DCTN1: variants seen among roughly 807,000 people sequenced by gnomAD.
DCTN1 encodes the protein 150 kDa dynein-associated polypeptide.
A neutral mutation model predicts 161.2 loss-of-function variants in DCTN1; 61 were observed. The ratio of observed to expected loss-of-function variants is 0.38; its 90% CI spans 0.31 to 0.47. DCTN1 has a LOEUF of 0.47. Among genes scored for constraint, DCTN1 ranks in the 20% least tolerant of loss-of-function variants. The pLI is 0.99. For missense variants in DCTN1, 1,404 were observed against 1,623.7 expected (o/e 0.86, Z 2.33); for synonymous variants, 653 against 632.4 (o/e 1.03, Z -0.49).
chr2:74,372,525 T>C (rs941422053), intron 7 of DCTN1, among the ~76,000 whole-genome samples: 4 of 152,230 alleles, frequency 2.6e-5, no homozygotes, highest in Non-Finnish European at 5.9e-5. Flanking sequence ...TCAGAGATCA[T>C]GTGCAATCCT....
At chr2:74,365,859 T>G (rs1483741980) in intron 24 of DCTN1, 34 bp downstream of exon 24, 12 of 1,613,986 alleles carry the variant, frequency 7.4e-6, no homozygotes, top group African/African-American at 1.3e-5. Context: ...ACCAATTTCC[T>G]GGCCCCCAGA....
chr2:74,367,896 G>C lies in DCTN1; in HGVS notation c.2016-32C>G, dbSNP rs139284563. 339 of 1,614,222 alleles carry C rather than the reference G, an allele frequency of 2.1e-4. 2 individuals carry two copies. In the African/African-American group the frequency reaches 3.7e-3, roughly 18 times the overall value. On this transcript the variant is annotated intron_variant, in intron 17 of 31. Transcript: ENST00000628224. ...ACCAGAGAAGGGCACTGTGAGGCTA[G>C]AGTCTGCCAGGCAATCTCAGTTCTG...
At position 74,386,189 on chromosome 2, in the gene DCTN1, C is replaced by A. The variant is rs537452500; in HGVS notation, c.-19+5605G>T. Among the ~76,000 whole-genome samples the A allele has an allele frequency of 5.9e-5, 9 of 152,300 alleles. No individual in the cohort carries two copies. The South Asian group carries it at 1.9e-3, about 32-fold the overall frequency. On this transcript the variant is annotated intron_variant, in intron 1 of 27. Coordinates refer to the DCTN1 transcript ENST00000409240. ...ACAAACTGGCATGGTAAGATTCCCT[C>A]CTTAGCAACCCTAGACTCTAGGCTC...
rs371984614 is a variant in DCTN1, at chr2:74,369,059, C to G, written c.1701+39G>C. The G allele has an allele frequency of 5.6e-6, 9 of 1,604,906 alleles. No homozygotes were observed. Among genetic ancestry groups the G allele is most frequent in the African/African-American group, 1.3e-5 (1 of 74,694 alleles). On this transcript the variant is annotated intron_variant, in intron 15 of 31. Transcript: ENST00000628224. The surrounding 1 kb of genome is among the most constrained non-coding windows in gnomAD (Gnocchi z 4.9). ...AAGCCCAGACCCCATACCAGTTCAT[C>G]CCAGGCAGGGCTCCCTCAGACCCAC...
chr2:74,372,632 T>C (rs1674945935), intron 7 of DCTN1, among the ~76,000 whole-genome samples: 1 of 152,182 alleles, frequency 6.6e-6, no homozygotes, highest in African/African-American at 2.4e-5. Flanking sequence ...ATCCCTCCCA[T>C]CAAAACTGGT....
intron 2 of DCTN1, 25 bp downstream of exon 2, chr2:74,377,975 A>G (rs1415029213): frequency 6.2e-7 from 1 of 1,613,686 alleles, no homozygotes; most frequent in South Asian, 1.1e-5. Flanking sequence ...ACACATGCAC[A>G]GACACAAAAG....
intron 5 of DCTN1, 44 bp downstream of exon 5, chr2:74,376,698 C>T (rs1204187496): frequency 5.1e-6 from 8 of 1,576,742 alleles, no homozygotes; most frequent in Non-Finnish European, 6.9e-6. Flanking sequence ...GGGGAAGGGG[C>T]TCATGGCCCC....
At chr2:74,361,766 T>C (rs756211155) in intron 31 of DCTN1, 130 bp from the exon 32 acceptor site, 30 of 1,167,946 alleles carry the variant, frequency 2.6e-5, no homozygotes, top group Non-Finnish European at 3.5e-5. Context: ...TCCTGGGCTA[T>C]TGTGACCACA....
rs1674771689 is a variant in DCTN1 at position 74,370,671 on chromosome 2, T to G, written c.998A>C (p.Asp333Ala). 5 of 1,614,212 alleles carry G rather than the reference T, an allele frequency of 3.1e-6. No homozygotes were observed. Among genetic ancestry groups the G allele is most frequent in the Non-Finnish European group, 4.2e-6 (5 of 1,180,048 alleles). Residue 333 changes from aspartate (D) to alanine (A), a missense_variant, in exon 10 of 32, where the codon GAC (aspartate) becomes GCC (alanine). Around this residue, in one of 9 missense-constraint regions of DCTN1, gnomAD observed 278 missense variants for 363.8 expected, o/e 0.76. Coordinates refer to ENST00000628224, the MANE Select transcript of DCTN1 (RefSeq NM_004082.5). This position sits in a 1 kb window ranked among gnomAD's most constrained non-coding sequence, Gnocchi z 4.4. Reference sequence around the variant, plus strand: ...GATCTCTAAGTCAGTAGTGAGCTCGTCCACCCGCTCCTTCAGTGCCTCCAC... The same window carrying G: ...GATCTCTAAGTCAGTAGTGAGCTCGGCCACCCGCTCCTTCAGTGCCTCCAC... ...QEVEALKERVDELTTDLEILK... is the reference protein window; with the variant it reads ...QEVEALKERVAELTTDLEILK...
rs143800457 is a variant in DCTN1, at chr2:74,367,392, T to C, written c.2213A>G (p.Gln738Arg). The change falls in exon 19 of 32, where the codon CAG (glutamine) becomes CGG (arginine). Residue 738 changes from glutamine to arginine, a missense_variant. Gln to Arg is a conservative substitution (Grantham distance 43). Around this residue, in one of 9 missense-constraint regions of DCTN1, gnomAD observed 475 missense variants for 489.8 expected, o/e 0.97. Coordinates refer to ENST00000628224, the MANE Select transcript of DCTN1 (RefSeq NM_004082.5). ...CAGCTGCATAGTACAGTCCTCAGGC[T>C]GTTCGGCAAGGTGGATGCTGTACAG... ...QHLYSIHLAE[Q>R]PEDCTMQLAD... 321 of 1,614,176 alleles carry C rather than the reference T, an allele frequency of 2.0e-4. No individual in the cohort carries two copies. The East Asian group carries it at 7.0e-3, about 35-fold the overall frequency.
intron 25 of DCTN1, 128 bp from the exon 26 acceptor site, chr2:74,365,369 T>A: frequency 6.5e-7 from 1 of 1,549,472 alleles, no homozygotes; most frequent in African/African-American, 1.4e-5. Flanking sequence ...AGGCTTAGGC[T>A]GGGGTGATGC....
rs749776779 is a variant in DCTN1, at chr2:74,363,347, A to C, written c.3292T>G (p.Ser1098Ala). 1 of 1,613,052 alleles carries C rather than the reference A, an allele frequency of 6.2e-7. No individual in the cohort carries two copies. Among genetic ancestry groups the C allele is most frequent in the East Asian group, 2.2e-5 (1 of 44,858 alleles). ...KDSPLLLQQI[S>A]AMRLHISQLQ... Reference sequence around the variant, plus strand: ...TGGGAGATGTGCAGCCTCATGGCAGAGATCTGCTGAAGCAGCAGTGGTGAG... The same window carrying C: ...TGGGAGATGTGCAGCCTCATGGCAGCGATCTGCTGAAGCAGCAGTGGTGAG... The change falls in exon 28 of 32, where the codon TCT becomes GCT. Residue 1098 changes from serine to alanine, a missense_variant. This residue lies in a region of DCTN1 where 311 missense variants were observed against 298.9 expected (regional missense o/e 1.04). Transcript: ENST00000628224.
chr2:74,362,246 T>G (rs1361027478), intron 30 of DCTN1, 105 bp from the exon 31 acceptor site: 14 of 969,774 alleles, frequency 1.4e-5, no homozygotes, highest in Non-Finnish European at 2.3e-5. Context: ...GGGCAGGGAC[T>G]TAGTCCTCTA....
At chr2:74,365,678 T>C (rs1163395304) in intron 24 of DCTN1, 21 bp from the exon 25 acceptor site, 1 of 1,614,032 alleles carries the variant, frequency 6.2e-7, no homozygotes, top group Non-Finnish European at 8.5e-7. Context: ...ACAGAACTTC[T>C]AGATCCCTGA....
intron 4 of DCTN1, 73 bp downstream of exon 4, chr2:74,377,359 A>C (rs1675284332): frequency 7.5e-7 from 1 of 1,337,988 alleles, no homozygotes; most frequent in African/African-American, 1.4e-5. Context: ...CTACCTGCCT[A>C]GCACTGGGTA....
chr2:74,381,322 G>A (rs1321745280), upstream of DCTN1, among the ~76,000 whole-genome samples: 2 of 152,088 alleles, frequency 1.3e-5, no homozygotes, highest in African/African-American at 4.8e-5. Flanking sequence ...GCCTAGGGAC[G>A]CCTGTCTTTT....
In DCTN1 at chr2:74,380,062, TC is replaced by T; in HGVS notation, c.-26del. 6.2e-7 allele frequency: 1 copy of T among 1,612,926 alleles called. No homozygotes were observed. On this transcript the variant is annotated 5_prime_UTR_variant, in exon 1 of 32. Coordinates refer to ENST00000628224, the MANE Select transcript of DCTN1 (RefSeq NM_004082.5). ...TGTTGCTCACCCGGCCTCTACCCCC[TC>T]CCCCAGCTGGCCAAAGACAGAGAGA... is the stretch of plus-strand genomic sequence containing the variant.
At chr2:74,381,980 G>A (rs1675528914), upstream of DCTN1, among the ~76,000 whole-genome samples, 1 of 152,188 alleles carries the variant, frequency 6.6e-6, no homozygotes, top group African/African-American at 2.4e-5. Flanking sequence ...TTTGAGAACT[G>A]AGCAACTTCC....
At position 74,368,885 on chromosome 2, in the gene DCTN1, G is replaced by A. The variant is rs767481317; in HGVS notation, c.1702-5C>T. The A allele has an allele frequency of 1.1e-5, 17 of 1,614,118 alleles. No individual in the cohort carries two copies. Among genetic ancestry groups the A allele is most frequent in the East Asian group, 8.9e-5 (4 of 44,902 alleles). On this transcript the variant is annotated splice_polypyrimidine_tract_variant and splice_region_variant and intron_variant, in intron 15 of 31. Transcript: ENST00000628224. ...CCTCAATTCCATCTCAATTGCCTGT[G>A]AGGTGAACAGGGAGGAGGACTCTTA... is the stretch of plus-strand genomic sequence containing the variant.
Sources: gnomAD v4.1 joint callset for allele counts (sites outside exome capture counted in the v4.1 genomes callset) on GRCh38, gnomAD v4.1.1 for gene constraint, gnomAD v4.1.1 regional missense constraint, Gnocchi (gnomAD v3.1) non-coding constraint, MANE v1.5 for transcripts, NCBI Gene and HGNC (gene_info 2026-07-23, HGNC 2026-07-21) for gene names.